CACNA1G: variants seen among roughly 807,000 people sequenced by gnomAD.
CACNA1G encodes calcium voltage-gated channel subunit alpha1 G, also known as voltage-dependent T-type calcium channel subunit alpha-1G.
In CACNA1G, 67 loss-of-function variants were observed where a neutral mutation model predicts 219.4. The ratio of observed to expected loss-of-function variants is 0.31; its 90% CI spans 0.25 to 0.37. The LOEUF (loss-of-function observed/expected upper bound fraction) is 0.37, where lower values mean the gene tolerates loss of function less well. CACNA1G is among the 10% of genes least tolerant of loss of function. The pLI, the probability that CACNA1G is intolerant of heterozygous loss-of-function variation, is 1.00. For missense variants in CACNA1G, 2,380 were observed against 3,231.4 expected, an observed-to-expected ratio of 0.74 and a Z score of 6.39; for synonymous variants, 1,296 against 1,345.3, an observed-to-expected ratio of 0.96 and a Z score of 0.80.
At chr17:50,588,717 G>A (rs2043527531) in intron 9 of CACNA1G, among the ~76,000 whole-genome samples, 1 of 152,074 alleles carries the variant, frequency 6.6e-6, no homozygotes, top group South Asian at 2.1e-4. Context: ...CCCCACGACA[G>A]CCACTCCCCC....
chr17:50,606,568 A>G, intron 23 of CACNA1G: 2 of 547,106 alleles, frequency 3.7e-6, no homozygotes, highest in East Asian at 6.2e-5. Flanking sequence ...ATATTTGCAG[A>G]AACAGAAATG....
Position 50,591,757 on chromosome 17 carries a change from C to A in CACNA1G, c.2658C>A (p.Leu886=). 6.2e-7 allele frequency: 1 copy of A among 1,613,970 alleles called. No homozygotes were observed. The highest frequency in any genetic ancestry group is 8.5e-7 in the Non-Finnish European group (1 of 1,179,858). Residue 886 remains leucine (L), a synonymous_variant, in exon 12 of 38, where the codon CTC becomes CTA. Coordinates refer to ENST00000359106, the MANE Select transcript of CACNA1G (RefSeq NM_018896.5). ...CCCACAGCATCCTGGGCATGCATCT[C>A]TTCGGCTGCAAGTTTGCCTCTGAGC... ...IFIFSILGMH[L]FGCKFASERD...
chr17:50,601,874 G>A (rs1191241304), intron 19 of CACNA1G, among the ~76,000 whole-genome samples: 1 of 152,140 alleles, frequency 6.6e-6, no homozygotes, highest in African/African-American at 2.4e-5. Context: ...GGTGGCCAGG[G>A]TTTGCCTCTC....
intron 8 of CACNA1G, among the ~76,000 whole-genome samples, chr17:50,577,577 G>A (rs1348044238): frequency 6.6e-6 from 1 of 151,020 alleles, no homozygotes; most frequent in Non-Finnish European, 1.5e-5. Context: ...AGGTGCATGT[G>A]CGATGTGAAG....
In CACNA1G at chr17:50,561,698, A is replaced by G; in HGVS notation, c.239A>G (p.Asn80Ser). The G allele has an allele frequency of 2.5e-6, 4 of 1,575,216 alleles. No homozygotes were observed. The highest frequency in any genetic ancestry group is 3.5e-6 in the Non-Finnish European group (4 of 1,157,964). ...AGCTGGTGTCTCCGCACGGTCTGTA[A>G]CCCATATCCTTCGGGGCACGACGGC... The part of the protein sequence containing the change: ...PRSWCLRTVC[N>S]PWFERISMLV... The change falls in exon 1 of 38, where the codon AAC (asparagine) becomes AGC (serine). Residue 80 changes from asparagine (N) to serine (S), a missense_variant. By Grantham distance (46) the Asn-to-Ser change is conservative. Transcript: ENST00000359106.
At chr17:50,616,108 T>C (rs2050531709) in intron 27 of CACNA1G, among the ~76,000 whole-genome samples, 167 bp from the exon 28 acceptor site, 1 of 152,176 alleles carries the variant, frequency 6.6e-6, no homozygotes, top group Non-Finnish European at 1.5e-5. Context: ...CCTACTCCCT[T>C]CTGGGGTTTG....
intron 37 of CACNA1G, among the ~76,000 whole-genome samples, chr17:50,625,203 C>T (rs934029656): frequency 6.6e-6 from 1 of 152,228 alleles, no homozygotes; most frequent in Non-Finnish European, 1.5e-5. Context: ...CTGGCCGCCT[C>T]GGCCACCCAA....
intron 10 of CACNA1G, among the ~76,000 whole-genome samples, chr17:50,591,178 C>T (rs1183646288): frequency 2.0e-5 from 3 of 152,234 alleles, no homozygotes; most frequent in African/African-American, 4.8e-5. Flanking sequence ...GTTGCATTGG[C>T]CAGATTTAGG....
chr17:50,565,438 C>T (rs2037516173), intron 1 of CACNA1G, among the ~76,000 whole-genome samples: 1 of 151,720 alleles, frequency 6.6e-6, no homozygotes, highest in Non-Finnish European at 1.5e-5. Context: ...CAGGGCGGAG[C>T]CCCTACATCC....
chr17:50,589,245 C>T (rs555024323), intron 9 of CACNA1G, among the ~76,000 whole-genome samples: 1 of 152,122 alleles, frequency 6.6e-6, no homozygotes, highest in African/African-American at 2.4e-5. Context: ...ATGATCCCCC[C>T]ACCCCGTGCC....
chr17:50,617,988 T>G lies in CACNA1G; in HGVS notation c.5226+59T>G. 6.2e-7 allele frequency: 1 copy of G among 1,612,598 alleles called. No homozygotes were observed. Among genetic ancestry groups the G allele is most frequent in the Non-Finnish European group, 8.5e-7 (1 of 1,178,772 alleles). On this transcript the variant is annotated intron_variant, in intron 30 of 37. Transcript: ENST00000359106. This position sits in a 1 kb window ranked among gnomAD's most constrained non-coding sequence, Gnocchi z 5.8. ...GAGGTGCTTTCCAGAGGGAAGGGGC[T>G]CAGAGAAGCTGACTGGGAGACCCAG...
intron 24 of CACNA1G, 43 bp downstream of exon 24, chr17:50,607,032 C>T (rs2048103670): frequency 3.5e-6 from 5 of 1,436,986 alleles, no homozygotes; most frequent in Admixed American, 1.7e-5. Context: ...GCTCAGGTCA[C>T]TCAGCATGGG....
In CACNA1G at chr17:50,564,110, T is replaced by G. The variant is rs539176403; in HGVS notation, c.242+2409T>G. On this transcript the variant is annotated intron_variant, in intron 1 of 37. Coordinates refer to ENST00000359106, the MANE Select transcript of CACNA1G (RefSeq NM_018896.5). ...GACCAGGTTTCCTAGAGAGGAGATC[T>G]AGACCCAGGTAGGAAGTGTGTGTGT... is the stretch of plus-strand genomic sequence containing the variant. 3.1e-5 allele frequency among the ~76,000 whole-genome samples: 4 copies of G among 130,630 alleles called. No individual in the cohort carries two copies. The South Asian group carries it at 7.0e-4, about 23-fold the overall frequency. 85.7% of individuals were successfully genotyped at this position (130,630 alleles called of 152,430 possible).
chr17:50,605,777 G>A (rs1360633028), intron 22 of CACNA1G, 121 bp from the exon 23 acceptor site: 25 of 1,043,090 alleles, frequency 2.4e-5, no homozygotes, highest in Non-Finnish European at 3.2e-5. Context: ...ACTGGCCCCA[G>A]AGCAGAGCAC....
At chr17:50,613,670 A>C (rs2049766252) in intron 26 of CACNA1G, among the ~76,000 whole-genome samples, 1 of 152,258 alleles carries the variant, frequency 6.6e-6, no homozygotes, top group Non-Finnish European at 1.5e-5. Context: ...CATTTTAGTT[A>C]ATTCTCCATT....
Position 50,575,720 on chromosome 17 carries a change from C to G in CACNA1G, c.1318C>G (p.Leu440Val), listed in dbSNP as rs187034940. The G allele has an allele frequency of 1.6e-5, 25 of 1,598,522 alleles. No homozygotes were observed. Among genetic ancestry groups the G allele is most frequent in the Admixed American group, 8.7e-5 (5 of 57,396 alleles). ...GSCYEELLKY[L>V]VYILRKAARR... ...CTGCTATGAGGAGCTGCTCAAGTAC[C>G]TGGTGTACATCCTTCGTAAGGCAGC... is the stretch of plus-strand genomic sequence containing the variant. Residue 440 changes from leucine to valine, a missense_variant, in exon 8 of 38, where the codon CTG becomes GTG. Leu to Val is a conservative substitution (Grantham distance 32). Transcript: ENST00000359106.
intron 26 of CACNA1G, among the ~76,000 whole-genome samples, chr17:50,611,252 T>TAA (rs11291581): frequency 1.5e-5 from 2 of 129,720 alleles, no homozygotes; most frequent in Non-Finnish European, 3.2e-5. Flanking sequence ...AGACTCCATT[T>TAA]AAAAAAAAAA....
At chr17:50,582,034 G>A (rs576160288) in intron 9 of CACNA1G, among the ~76,000 whole-genome samples, 4 of 152,366 alleles carry the variant, frequency 2.6e-5, no homozygotes, top group South Asian at 2.1e-4. Context: ...GGGAAGAGAC[G>A]TGGACAATTG....
intron 9 of CACNA1G, 94 bp from the exon 10 acceptor site, chr17:50,590,377 C>T: frequency 2.1e-6 from 3 of 1,398,844 alleles, no homozygotes; most frequent in Admixed American, 1.7e-5. Context: ...CTTGCTATTC[C>T]TGCTCCTCCT....
Sources: gnomAD v4.1 joint callset for allele counts (sites outside exome capture counted in the v4.1 genomes callset) on GRCh38, gnomAD v4.1.1 for gene constraint, Gnocchi (gnomAD v3.1) non-coding constraint, MANE v1.5 for transcripts, NCBI Gene and HGNC (gene_info 2026-07-23, HGNC 2026-07-21) for gene names.